SGCZ: variants seen among roughly 807,000 people sequenced by gnomAD.
SGCZ encodes zeta-sarcoglycan.
Under a neutral mutation model 41.3 loss-of-function variants are expected in SGCZ, and 40 were observed. That is an observed-to-expected ratio of 0.97 (90% CI 0.75 to 1.26). The LOEUF is 1.26. SGCZ is among the 50% of genes most tolerant of loss of function. SGCZ has a pLI of 0.00. For missense variants in SGCZ, 552 were observed against 369.8 expected, an observed-to-expected ratio of 1.49 and a Z score of -4.04; for synonymous variants, 206 against 137.5, an observed-to-expected ratio of 1.50 and a Z score of -3.49.
intron 1 of SGCZ, among the ~76,000 whole-genome samples, chr8:14,931,784 G>T (rs909133769): frequency 6.6e-6 from 1 of 151,908 alleles, no homozygotes; most frequent in Non-Finnish European, 1.5e-5. Context: ...ACATTTAATG[G>T]AAATTCGTCA....
rs540005513 is a variant in SGCZ at position 14,887,417 on chromosome 8, G to T, written c.40-332491C>A. On this transcript the variant is annotated intron_variant, in intron 1 of 7. Coordinates refer to ENST00000382080, the MANE Select transcript of SGCZ (RefSeq NM_139167.4). ...ACTGCATTATCATTTTACATCTTTA[G>T]GTATGCTAATGTAAAGAGAAAAAAC... Among the ~76,000 whole-genome samples, 3 of 151,790 alleles carry T rather than the reference G, an allele frequency of 2.0e-5. No homozygotes were observed. In the South Asian group the frequency reaches 6.2e-4, roughly 31 times the overall value.
At chr8:14,213,509 G>A (rs1186890477) in intron 4 of SGCZ, among the ~76,000 whole-genome samples, 1 of 151,940 alleles carries the variant, frequency 6.6e-6, no homozygotes, top group Non-Finnish European at 1.5e-5. Context: ...GAAAAAATAA[G>A]AGAATATGTT....
intron 1 of SGCZ, among the ~76,000 whole-genome samples, chr8:14,782,944 T>A (rs1800634757): frequency 6.6e-6 from 1 of 152,218 alleles, no homozygotes. Flanking sequence ...GCTGTTTGGA[T>A]ACATATAATG....
chr8:14,811,688 C>G (rs1476155358), intron 1 of SGCZ, among the ~76,000 whole-genome samples: 2 of 151,596 alleles, frequency 1.3e-5, no homozygotes, highest in African/African-American at 4.8e-5. Flanking sequence ...CTCCTCTCCC[C>G]AAAAGCACAG....
chr8:14,322,095 T>G (rs1256161459), intron 3 of SGCZ, among the ~76,000 whole-genome samples: 4 of 152,156 alleles, frequency 2.6e-5, no homozygotes, highest in Non-Finnish European at 5.9e-5. Flanking sequence ...ATAAAATAGT[T>G]CAGCCACTGT....
Position 14,088,728 on chromosome 8 carries a change from CT to C in SGCZ, c.*1714del, listed in dbSNP as rs1801601341. 6.6e-6 allele frequency among the ~76,000 whole-genome samples: 1 copy of C among 151,752 alleles called. No homozygotes were observed. Among genetic ancestry groups the C allele is most frequent in the Admixed American group, 6.6e-5 (1 of 15,178 alleles). ...TTCTGCTGAGTACAGTGGAAATGAG[CT>C]TTTTCAGTTATTTGATATGCTAGGT... On this transcript the variant is annotated 3_prime_UTR_variant, in exon 8 of 8. Coordinates refer to ENST00000382080, the MANE Select transcript of SGCZ (RefSeq NM_139167.4).
intron 1 of SGCZ, among the ~76,000 whole-genome samples, chr8:14,943,480 G>C (rs1022854005): frequency 2.6e-5 from 4 of 152,128 alleles, no homozygotes; most frequent in African/African-American, 9.7e-5. Context: ...CCTCCTCCCT[G>C]CACAGGCCAG....
chr8:14,611,016 C>A (rs10088748), intron 1 of SGCZ, among the ~76,000 whole-genome samples: 77,187 of 151,816 alleles, frequency 0.51, 19,958 homozygotes, highest in East Asian at 0.69. Flanking sequence ...TTTATTTTTT[C>A]ATAATTAAAA....
intron 1 of SGCZ, among the ~76,000 whole-genome samples, chr8:15,160,578 A>T (rs1465246804): frequency 1.3e-5 from 2 of 151,822 alleles, no homozygotes; most frequent in Non-Finnish European, 2.9e-5. Context: ...TATATTCAAC[A>T]TTTTTTTTCG....
chr8:15,007,372 C>T (rs1585465237), intron 1 of SGCZ, among the ~76,000 whole-genome samples: 2 of 152,270 alleles, frequency 1.3e-5, no homozygotes, highest in Middle Eastern at 6.8e-3. Flanking sequence ...AAATATCTTG[C>T]AATTTGTTAA....
chr8:14,352,169 G>C (rs1803123536), intron 2 of SGCZ, among the ~76,000 whole-genome samples: 3 of 151,996 alleles, frequency 2.0e-5, no homozygotes, highest in South Asian at 2.1e-4. Flanking sequence ...AAGTAAAAGA[G>C]TTACAAAAAC....
chr8:14,180,832 A>G (rs1232613901), intron 4 of SGCZ, among the ~76,000 whole-genome samples: 1 of 151,882 alleles, frequency 6.6e-6, no homozygotes, highest in Non-Finnish European at 1.5e-5. Flanking sequence ...GGCGATGGCT[A>G]TGTGAACCTG....
intron 1 of SGCZ, among the ~76,000 whole-genome samples, chr8:15,154,936 C>G (rs1002530898): frequency 1.3e-5 from 2 of 152,044 alleles, no homozygotes; most frequent in Non-Finnish European, 2.9e-5. Flanking sequence ...TAATTAACAA[C>G]AATATATTGT....
intron 1 of SGCZ, among the ~76,000 whole-genome samples, chr8:15,177,806 C>CAG (rs1800045168): frequency 1.3e-5 from 2 of 152,130 alleles, no homozygotes; most frequent in Non-Finnish European, 1.5e-5. Flanking sequence ...CACCCTGAAC[C>CAG]AGTATACGTG....
intron 1 of SGCZ, among the ~76,000 whole-genome samples, chr8:15,157,425 G>A (rs530360012): frequency 0.012 from 1,734 of 139,368 alleles, 41 homozygotes; most frequent in African/African-American, 0.042. Context: ...TCTTAAGGGG[G>A]AAAAAAAAAA....
At chr8:15,061,312 T>A (rs1585523317) in intron 1 of SGCZ, among the ~76,000 whole-genome samples, 1 of 149,260 alleles carries the variant, frequency 6.7e-6, no homozygotes, top group Non-Finnish European at 1.5e-5. Flanking sequence ...ATGTTCTCAC[T>A]CATAAGTGGG....
intron 5 of SGCZ, among the ~76,000 whole-genome samples, chr8:14,140,154 T>C (rs1464330137): frequency 6.6e-6 from 1 of 152,162 alleles, no homozygotes. Flanking sequence ...ATAAACTAGG[T>C]ATTGATGGAA....
At chr8:14,747,705 TTGTGTG>T (rs59524830) in intron 1 of SGCZ, among the ~76,000 whole-genome samples, 26 of 136,592 alleles carry the variant, frequency 1.9e-4, no homozygotes, top group Non-Finnish European at 3.1e-4. Context: ...GTGTGTGTAT[TTGTGTG>T]TGTGTGTGTG....
At chr8:14,950,417 C>T (rs1800595695) in intron 1 of SGCZ, among the ~76,000 whole-genome samples, 1 of 151,854 alleles carries the variant, frequency 6.6e-6, no homozygotes, top group South Asian at 2.1e-4. Context: ...TCCCCTCTCT[C>T]CTCTTTCTCC....
Sources: gnomAD v4.1 joint callset for allele counts (sites outside exome capture counted in the v4.1 genomes callset) on GRCh38, gnomAD v4.1.1 for gene constraint, MANE v1.5 for transcripts, NCBI Gene and HGNC (gene_info 2026-07-23, HGNC 2026-07-21) for gene names.